SH3BGRL: variants seen among roughly 807,000 people sequenced by gnomAD.
The protein encoded by SH3BGRL is SH3 domain binding glutamate rich protein like.
In SH3BGRL, 7 loss-of-function variants were observed where a neutral mutation model predicts 9.8. The observed-to-expected ratio is 0.72, with a 90% confidence interval of 0.41 to 1.35. The LOEUF (loss-of-function observed/expected upper bound fraction) is 1.35. Ranked by LOEUF, SH3BGRL falls within the 40% of genes most tolerant of loss-of-function variation. The probability of loss-of-function intolerance (pLI) is 0.01; values close to 1 mark genes in which losing one functional copy is unlikely to be tolerated. For synonymous variants in SH3BGRL, 36 were observed against 29.1 expected, an observed-to-expected ratio of 1.24 and a Z score of -0.76; for missense variants, 73 against 84.4, an observed-to-expected ratio of 0.86 and a Z score of 0.53.
At chrX:81,284,497 C>A (rs1460823040) in intron 3 of SH3BGRL, among the ~76,000 whole-genome samples, 1 of 110,132 alleles carries the variant, frequency 9.1e-6, no homozygotes, top group Admixed American at 9.7e-5. Flanking sequence ...GGATCTCTAA[C>A]CTTGGTGATT....
At chrX:81,268,465 A>G (rs1336766651) in intron 1 of SH3BGRL, among the ~76,000 whole-genome samples, 1 of 111,131 alleles carries the variant, frequency 9.0e-6, no homozygotes, top group Non-Finnish European at 1.9e-5. Context: ...TTCTGCCTTC[A>G]TTCATTATTT....
chrX:81,279,583 T>A (rs925617766), intron 3 of SH3BGRL, among the ~76,000 whole-genome samples: 1 of 110,812 alleles, frequency 9.0e-6, no homozygotes, highest in African/African-American at 3.3e-5. Context: ...AAACTGAAGG[T>A]CTGTTTGCGG....
intron 1 of SH3BGRL, among the ~76,000 whole-genome samples, chrX:81,259,296 T>A (rs1312430120): frequency 8.9e-6 from 1 of 112,045 alleles, no homozygotes; most frequent in Admixed American, 9.5e-5. Context: ...GGATGTGGAT[T>A]GTCTTTGTTG....
chrX:81,238,285 G>A (rs532994013), intron 1 of SH3BGRL, among the ~76,000 whole-genome samples: 3 of 111,632 alleles, frequency 2.7e-5, no homozygotes, highest in African/African-American at 9.8e-5. Flanking sequence ...TGAGTCTCAG[G>A]CCAGGCAACA....
At chrX:81,236,176 TG>T (rs1252465201) in intron 1 of SH3BGRL, among the ~76,000 whole-genome samples, 1 of 111,729 alleles carries the variant, frequency 9.0e-6, no homozygotes, top group African/African-American at 3.3e-5. Context: ...TGTACCCCAG[TG>T]CAGATCGTGT....
chrX:81,246,565 T>C (rs1004333950), intron 1 of SH3BGRL, among the ~76,000 whole-genome samples: 8 of 111,902 alleles, frequency 7.1e-5, no homozygotes, highest in African/African-American at 2.6e-4. Context: ...GAATAGGAAG[T>C]TCTTTCCAAT....
intron 1 of SH3BGRL, among the ~76,000 whole-genome samples, chrX:81,243,208 T>C (rs1395895816): frequency 8.9e-6 from 1 of 112,343 alleles, no homozygotes; most frequent in Non-Finnish European, 1.9e-5. Flanking sequence ...TATTCAGTCA[T>C]AAAAATGAGA....
chrX:81,210,710 C>G (rs1379795968), intron 1 of SH3BGRL, among the ~76,000 whole-genome samples: 1 of 111,981 alleles, frequency 8.9e-6, no homozygotes, highest in Non-Finnish European at 1.9e-5. Context: ...ATGATATTCA[C>G]TAATTACCCA....
At chrX:81,275,164 G>C (rs188811561) in intron 1 of SH3BGRL, among the ~76,000 whole-genome samples, 75 of 111,221 alleles carry the variant, frequency 6.7e-4, no homozygotes, top group African/African-American at 2.4e-3. Flanking sequence ...TATCTTAAAG[G>C]TCCTCTGCTC....
chrX:81,214,251 G>C lies in SH3BGRL; in HGVS notation c.45+12006G>C, dbSNP rs978546886. ...ATGATTAGTGACCTTGGAGAAAAGC[G>C]GTTTCAGTAGATTGGTGAAAACAAC... On this transcript the variant is annotated intron_variant, in intron 1 of 3. Coordinates refer to ENST00000373212, the MANE Select transcript of SH3BGRL (RefSeq NM_003022.3). Among the ~76,000 whole-genome samples the C allele has an allele frequency of 4.5e-5, 5 of 111,440 alleles. 1 individual carries two copies. The highest frequency in any genetic ancestry group is 9.4e-5 in the Non-Finnish European group (5 of 53,056).
chrX:81,265,745 A>AATGGT (rs1359053381), intron 1 of SH3BGRL, among the ~76,000 whole-genome samples: 2 of 111,959 alleles, frequency 1.8e-5, no homozygotes, highest in African/African-American at 6.5e-5. Context: ...GGCTGGGTCA[A>AATGGT]ATGGTATTTC....
chrX:81,257,640 T>C (rs1401519241), intron 1 of SH3BGRL, among the ~76,000 whole-genome samples: 2 of 112,044 alleles, frequency 1.8e-5, no homozygotes, highest in African/African-American at 6.5e-5. Context: ...AAGACCCTAG[T>C]GTGAGTCTTC....
At chrX:81,292,715 G>C (rs1031394816) in intron 3 of SH3BGRL, among the ~76,000 whole-genome samples, 2 of 111,448 alleles carry the variant, frequency 1.8e-5, no homozygotes, top group Admixed American at 1.9e-4. Flanking sequence ...TGCAATTTCA[G>C]ACCATTTCTT....
At chrX:81,211,401 G>T (rs767936800) in intron 1 of SH3BGRL, among the ~76,000 whole-genome samples, 1 of 111,260 alleles carries the variant, frequency 9.0e-6, no homozygotes, top group Admixed American at 9.5e-5. Context: ...CTGGCTAACA[G>T]GGTGAAACCC....
chrX:81,288,069 A>G (rs1366940057), intron 3 of SH3BGRL, among the ~76,000 whole-genome samples: 1 of 111,876 alleles, frequency 8.9e-6, no homozygotes, highest in African/African-American at 3.2e-5. Flanking sequence ...ATTCAACACT[A>G]TATTAGAAAG....
intron 1 of SH3BGRL, among the ~76,000 whole-genome samples, chrX:81,203,407 T>A (rs2075535872): frequency 1.8e-5 from 2 of 112,231 alleles, no homozygotes; most frequent in East Asian, 5.6e-4. Flanking sequence ...CATGTGTGGA[T>A]ATGTTTATGC....
intron 1 of SH3BGRL, among the ~76,000 whole-genome samples, chrX:81,232,946 A>C (rs2075637406): frequency 9.0e-6 from 1 of 111,201 alleles, no homozygotes; most frequent in South Asian, 3.7e-4. Flanking sequence ...AAGTATTTTT[A>C]TCTTGACTAC....
intron 1 of SH3BGRL, among the ~76,000 whole-genome samples, chrX:81,249,457 T>C (rs2075702209): frequency 8.9e-6 from 1 of 112,559 alleles, no homozygotes. Flanking sequence ...TTTTCCTCAC[T>C]GTTTTCCTTG....
chrX:81,249,089 C>G lies in SH3BGRL; in HGVS notation c.46-27895C>G, dbSNP rs190307060. On this transcript the variant is annotated intron_variant, in intron 1 of 3. Coordinates refer to ENST00000373212, the MANE Select transcript of SH3BGRL (RefSeq NM_003022.3). ...GTTATTTCCAAGTGCCTGAGGCATG[C>G]TCAAATACGCTGTCTTGGGAAAACA... 4.5e-5 allele frequency among the ~76,000 whole-genome samples: 5 copies of G among 111,365 alleles called. No homozygotes were observed. The East Asian group carries it at 1.4e-3, about 31-fold the overall frequency.
Sources: allele counts gnomAD v4.1 joint callset (sites outside exome capture counted in the v4.1 genomes callset), GRCh38; gene constraint gnomAD v4.1.1; transcripts MANE v1.5; gene names NCBI Gene and HGNC (gene_info 2026-07-23, HGNC 2026-07-21).